The following GPC5 variants were observed in gnomAD, a reference collection of about 807,000 sequenced individuals.
The protein encoded by GPC5 is glypican-5.
GPC5 carries 47 observed loss-of-function variants against 53.9 expected under a neutral mutation model. The observed-to-expected ratio is 0.87, with a 90% CI of 0.69 to 1.11. The LOEUF is 1.11. Ranked by LOEUF, GPC5 falls within the 50% of genes most tolerant of loss-of-function variation. The pLI, the probability that GPC5 is intolerant of heterozygous loss-of-function variation, is 0.00. For synonymous variants in GPC5, 286 were observed against 263.3 expected (o/e 1.09, Z -0.84); for missense variants, 748 against 713.1 (o/e 1.05, Z -0.56).
chr13:91,447,713 T>C (rs1208374046), intron 1 of GPC5, among the ~76,000 whole-genome samples: 1 of 152,210 alleles, frequency 6.6e-6, no homozygotes, highest in African/African-American at 2.4e-5. Flanking sequence ...CATGCACCTA[T>C]TTTACTGATC....
chr13:92,383,876 C>G (rs557931871), intron 7 of GPC5, among the ~76,000 whole-genome samples: 1 of 152,138 alleles, frequency 6.6e-6, no homozygotes, highest in Admixed American at 6.5e-5. Flanking sequence ...AAGAATGCAA[C>G]TGTCAGAATA....
At chr13:91,615,813 T>C (rs942309299) in intron 2 of GPC5, among the ~76,000 whole-genome samples, 1 of 152,180 alleles carries the variant, frequency 6.6e-6, no homozygotes, top group Admixed American at 6.5e-5. Context: ...GAAATATCAA[T>C]GATAAACTCA....
chr13:91,746,279 A>G (rs1430010607), intron 4 of GPC5, among the ~76,000 whole-genome samples: 1 of 152,148 alleles, frequency 6.6e-6, no homozygotes, highest in Non-Finnish European at 1.5e-5. Flanking sequence ...ATTTTCAAAC[A>G]GTGTGCTAGG....
At chr13:92,169,672 TC>T (rs1197572442) in intron 7 of GPC5, among the ~76,000 whole-genome samples, 1 of 152,090 alleles carries the variant, frequency 6.6e-6, no homozygotes, top group East Asian at 1.9e-4. Context: ...AAACGTACAA[TC>T]CAGTGTCTAT....
intron 7 of GPC5, among the ~76,000 whole-genome samples, chr13:92,161,956 CATATATAT>C (rs55867004): frequency 0.044 from 4,176 of 95,958 alleles, 148 homozygotes; most frequent in African/African-American, 0.1. Context: ...AATATATAGC[CATATATAT>C]ATATATATAT....
At chr13:92,016,870 G>T (rs1367097344) in intron 6 of GPC5, among the ~76,000 whole-genome samples, 2 of 151,938 alleles carry the variant, frequency 1.3e-5, no homozygotes, top group Middle Eastern at 3.4e-3. Context: ...ATATCATCCT[G>T]CCTGGGAAGA....
At chr13:92,160,146 G>C (rs1473005459) in intron 7 of GPC5, among the ~76,000 whole-genome samples, 4 of 152,106 alleles carry the variant, frequency 2.6e-5, no homozygotes, top group African/African-American at 9.7e-5. Flanking sequence ...CTGACCTCAA[G>C]CGATCCACTT....
intron 7 of GPC5, among the ~76,000 whole-genome samples, chr13:92,671,862 G>A (rs533099672): frequency 3.9e-5 from 6 of 152,324 alleles, no homozygotes; most frequent in Admixed American, 3.9e-4. Context: ...AAACTGTTCT[G>A]TGTGCAGGGT....
chr13:91,500,048 C>T (rs1232049042), intron 2 of GPC5, among the ~76,000 whole-genome samples: 1 of 152,138 alleles, frequency 6.6e-6, no homozygotes, highest in Non-Finnish European at 1.5e-5. Flanking sequence ...GGACCATGCC[C>T]TCATTTCCAG....
At chr13:92,602,895 A>G (rs1884127411) in intron 7 of GPC5, among the ~76,000 whole-genome samples, 1 of 152,142 alleles carries the variant, frequency 6.6e-6, no homozygotes. Flanking sequence ...TAAAGGGGAA[A>G]GCCACATGAG....
intron 6 of GPC5, among the ~76,000 whole-genome samples, chr13:92,030,813 G>T (rs1432914761): frequency 6.6e-6 from 1 of 152,182 alleles, no homozygotes; most frequent in Non-Finnish European, 1.5e-5. Flanking sequence ...TTTTGGGGTG[G>T]TTACCTGGGG....
chr13:92,182,043 C>A (rs1295308436), intron 7 of GPC5, among the ~76,000 whole-genome samples: 1 of 152,080 alleles, frequency 6.6e-6, no homozygotes, highest in African/African-American at 2.4e-5. Flanking sequence ...AGAACTTTTC[C>A]TTCAATAAAA....
intron 7 of GPC5, among the ~76,000 whole-genome samples, chr13:92,443,266 T>C (rs1877649642): frequency 6.6e-6 from 1 of 152,210 alleles, no homozygotes; most frequent in Non-Finnish European, 1.5e-5. Flanking sequence ...AAGCCATCCA[T>C]GAGGGCTCTG....
chr13:92,254,905 A>G (rs1245751954), intron 7 of GPC5, among the ~76,000 whole-genome samples: 5 of 152,164 alleles, frequency 3.3e-5, no homozygotes, highest in Non-Finnish European at 5.9e-5. Context: ...ACAATTCAAG[A>G]TGAAATTTGG....
intron 2 of GPC5, among the ~76,000 whole-genome samples, chr13:91,451,565 A>C (rs187037259): frequency 6.6e-6 from 1 of 151,758 alleles, no homozygotes; most frequent in African/African-American, 2.4e-5. Context: ...TCCACTGCCT[A>C]TGTATATTCC....
chr13:91,848,289 G>T (rs2038874585), intron 5 of GPC5, among the ~76,000 whole-genome samples: 1 of 152,194 alleles, frequency 6.6e-6, no homozygotes, highest in South Asian at 2.1e-4. Flanking sequence ...GATAAACCTG[G>T]CCTACAGTTG....
intron 2 of GPC5, among the ~76,000 whole-genome samples, chr13:91,601,446 A>G (rs953212944): frequency 2.0e-5 from 3 of 152,042 alleles, no homozygotes; most frequent in African/African-American, 7.2e-5. Context: ...GGGATCCCCA[A>G]CCCCTGGGCC....
intron 3 of GPC5, among the ~76,000 whole-genome samples, chr13:91,717,197 G>C (rs1384611900): frequency 6.6e-6 from 1 of 152,212 alleles, no homozygotes; most frequent in Non-Finnish European, 1.5e-5. Context: ...GGTGACTCCG[G>C]AGACTGTAAC....
chr13:92,704,398 C>G lies in GPC5; in HGVS notation c.1562-161884C>G, dbSNP rs76433696. ...ATGCAGAATAAAGTTTTCTCATTCTCCAACCAAAACAATTAAAAAGGAAAA... is the reference window on the plus strand; with the variant it reads ...ATGCAGAATAAAGTTTTCTCATTCTGCAACCAAAACAATTAAAAAGGAAAA... On this transcript the variant is annotated intron_variant, in intron 7 of 7. Transcript: ENST00000377067. Among the ~76,000 whole-genome samples the G allele has an allele frequency of 1.6e-4, 24 of 151,996 alleles. 3 individuals are homozygous for G. In the East Asian group the frequency reaches 4.5e-3, roughly 28 times the overall value.
Sources: allele counts gnomAD v4.1 joint callset (sites outside exome capture counted in the v4.1 genomes callset), GRCh38; gene constraint gnomAD v4.1.1; transcripts MANE v1.5; gene names NCBI Gene and HGNC (gene_info 2026-07-23, HGNC 2026-07-21).